The following MMGT1 variants were observed in gnomAD, a reference collection of about 807,000 sequenced individuals.
MMGT1 encodes ER membrane protein complex subunit 5.
A neutral mutation model predicts 11.7 loss-of-function variants in MMGT1; 2 were observed. That is an observed-to-expected ratio of 0.17 (90% CI 0.07 to 0.54). The LOEUF (loss-of-function observed/expected upper bound fraction) is 0.54. Among genes scored for constraint, MMGT1 ranks in the 20% least tolerant of loss-of-function variants. The pLI, the probability that MMGT1 is intolerant of heterozygous loss-of-function variation, is 0.94. For synonymous variants in MMGT1, 49 were observed against 44.4 expected (o/e 1.10, Z -0.41); for missense variants, 74 against 109.0 (o/e 0.68, Z 1.43).
intron 2 of MMGT1, among the ~76,000 whole-genome samples, chrX:135,970,228 G>A (rs987926667): frequency 3.6e-5 from 4 of 110,050 alleles, no homozygotes; most frequent in Non-Finnish European, 7.6e-5. Context: ...TTAGCTGGGC[G>A]TGGTGGTGGG....
intron 2 of MMGT1, among the ~76,000 whole-genome samples, chrX:135,970,737 G>C (rs1556612508): frequency 9.0e-6 from 1 of 111,672 alleles, no homozygotes; most frequent in South Asian, 3.7e-4. Context: ...GTGAAACCCT[G>C]TCTCTACTAA....
At chrX:135,967,540 T>C in intron 2 of MMGT1, 47 bp from the exon 3 acceptor site, 1 of 768,588 alleles carries the variant, frequency 1.3e-6, no homozygotes, top group Non-Finnish European at 1.9e-6. Flanking sequence ...AACATTATTA[T>C]AAATATTTAC....
At position 135,961,547 on chromosome X, in the gene MMGT1, C is replaced by G. The variant is rs2089155279; in HGVS notation, c.*3477G>C. Among the ~76,000 whole-genome samples the G allele has an allele frequency of 9.0e-6, 1 of 111,257 alleles. No homozygotes were observed. The highest frequency in any genetic ancestry group is 1.9e-5 in the Non-Finnish European group (1 of 53,012). On this transcript the variant is annotated 3_prime_UTR_variant, in exon 4 of 4. Coordinates refer to ENST00000305963, the MANE Select transcript of MMGT1 (RefSeq NM_173470.3). ...CATCATCTTTCTTGCCCCCACTCCCCTTTCTAAGAACACTTAATTAACAGG... is the reference window on the plus strand; with the variant it reads ...CATCATCTTTCTTGCCCCCACTCCCGTTTCTAAGAACACTTAATTAACAGG...
chrX:135,973,758 C>T lies in MMGT1; in HGVS notation c.-83G>A, dbSNP rs2089235813. ...CTTCCACCGGCGGGTGTCCGCGCGC[C>T]GCAGAAAGATGACGTCACTGAAGTC... On this transcript the variant is annotated 5_prime_UTR_variant, in exon 1 of 4. Transcript: ENST00000305963. 8.6e-7 allele frequency: 1 copy of T among 1,163,488 alleles called. No individual in the cohort carries two copies. Among genetic ancestry groups the T allele is most frequent in the African/African-American group, 1.8e-5 (1 of 55,137 alleles).
In MMGT1 at chrX:135,973,744, G is replaced by A. The variant is rs11537542; in HGVS notation, c.-69C>T. 6 of 1,166,478 alleles carry A rather than the reference G, an allele frequency of 5.1e-6. No homozygotes were observed. Among genetic ancestry groups the A allele is most frequent in the African/African-American group, 1.8e-5 (1 of 56,212 alleles). On this transcript the variant is annotated 5_prime_UTR_variant, in exon 1 of 4. Transcript: ENST00000305963. ...CGGAGCTGTTTCTTCTTCCACCGGC[G>A]GGTGTCCGCGCGCCGCAGAAAGATG...
chrX:135,967,724 T>A (rs1486894342), intron 2 of MMGT1, among the ~76,000 whole-genome samples: 1 of 111,672 alleles, frequency 9.0e-6, no homozygotes, highest in African/African-American at 3.3e-5. Flanking sequence ...AGTGTTCAAA[T>A]AAGCAAAATC....
intron 3 of MMGT1, among the ~76,000 whole-genome samples, chrX:135,965,458 G>A (rs2089180105): frequency 8.9e-6 from 1 of 111,783 alleles, no homozygotes; most frequent in Admixed American, 9.5e-5. Flanking sequence ...CTGGAGTGCA[G>A]TAGCACAATC....
rs1181484041 is a variant in MMGT1 at position 135,962,683 on chromosome X, C to T, written c.*2341G>A. On this transcript the variant is annotated 3_prime_UTR_variant, in exon 4 of 4. Transcript: ENST00000305963. ...CAAGCTGCTAGCAAAGATAGACACA[C>T]GTGAAAACCACTTTGTCAATTATTT... 2.7e-5 allele frequency: 3 copies of T among 112,074 alleles called. No homozygotes were observed. Among genetic ancestry groups the T allele is most frequent in the African/African-American group, 9.7e-5 (3 of 30,816 alleles). The allele number at this position is 112,074 out of a possible 1,213,427, so 9.2% of individuals were successfully genotyped here.
chrX:135,969,487 C>A (rs1170344173), intron 2 of MMGT1, among the ~76,000 whole-genome samples: 5 of 110,791 alleles, frequency 4.5e-5, no homozygotes, highest in African/African-American at 1.6e-4. Flanking sequence ...TTAAGGCGCC[C>A]ACCACCATGC....
In MMGT1 at chrX:135,961,476, G is replaced by A. The variant is rs1423407257; in HGVS notation, c.*3548C>T. On this transcript the variant is annotated 3_prime_UTR_variant, in exon 4 of 4. Coordinates refer to ENST00000305963, the MANE Select transcript of MMGT1 (RefSeq NM_173470.3). ...ATTAGGGTAGGAGGGAAGGGACCAA[G>A]TTTTTATACCTTTCTGTACCATCTG... is the stretch of plus-strand genomic sequence containing the variant. Among the ~76,000 whole-genome samples, 2 of 111,497 alleles carry A rather than the reference G, an allele frequency of 1.8e-5. No homozygotes were observed. The highest frequency in any genetic ancestry group is 2.8e-4 in the East Asian group (1 of 3,568).
At chrX:135,973,545 C>T (rs1264187855) in intron 1 of MMGT1, 52 bp downstream of exon 1, 2 of 1,043,860 alleles carry the variant, frequency 1.9e-6, no homozygotes, top group Non-Finnish European at 2.6e-6. Flanking sequence ...TGCGCCCACA[C>T]ACCGCCCCTA....
At position 135,967,505 on chromosome X, in the gene MMGT1, A is replaced by C; in HGVS notation, c.133-12T>G. On this transcript the variant is annotated splice_polypyrimidine_tract_variant and intron_variant, in intron 2 of 3. Transcript: ENST00000305963. ...GTCTGAAGAACTATCTGTGAGTATA[A>C]AGATTGATAATACTAAATAACACAA... is the stretch of plus-strand genomic sequence containing the variant. The C allele has an allele frequency of 2.1e-6, 2 of 933,310 alleles. No individual in the cohort carries two copies. The highest frequency in any genetic ancestry group is 2.8e-5 in the Admixed American group (1 of 35,237). 76.9% of individuals were successfully genotyped at this position (933,310 alleles called of 1,213,427 possible). A position where few individuals can be genotyped will look rare whatever the true frequency, so the allele number is the denominator to read the frequency against.
rs949319502 is a variant in MMGT1, at chrX:135,963,594, C to G, written c.*1430G>C. 12 of 112,229 alleles carry G rather than the reference C, an allele frequency of 1.1e-4. No individual in the cohort carries two copies. The highest frequency in any genetic ancestry group is 9.1e-3 in the Middle Eastern group (2 of 219). The allele number at this position is 112,229 out of a possible 1,213,427, so 9.2% of individuals were successfully genotyped here. Reference sequence around the variant, plus strand: ...GCTGGCGTAACAAACCAAAACTAAACAACAATAAAAACCCAATGAAAAATA... The same window carrying G: ...GCTGGCGTAACAAACCAAAACTAAAGAACAATAAAAACCCAATGAAAAATA... On this transcript the variant is annotated 3_prime_UTR_variant, in exon 4 of 4. Coordinates refer to ENST00000305963, the MANE Select transcript of MMGT1 (RefSeq NM_173470.3).
chrX:135,973,540 C>T lies in MMGT1; in HGVS notation c.79+57G>A, dbSNP rs2089232839. Reference sequence around the variant, plus strand: ...GTCCGATGGTCCCTTAGAAGTGCGCCCACACACCGCCCCTAGGGTTCCACA... The same window carrying T: ...GTCCGATGGTCCCTTAGAAGTGCGCTCACACACCGCCCCTAGGGTTCCACA... On this transcript the variant is annotated intron_variant, in intron 1 of 3. Coordinates refer to ENST00000305963, the MANE Select transcript of MMGT1 (RefSeq NM_173470.3). The T allele has an allele frequency of 3.0e-6, 3 of 1,004,463 alleles. No individual in the cohort carries two copies. In the Admixed American group the frequency reaches 8.2e-5, roughly 28 times the overall value. The allele number at this position is 1,004,463 out of a possible 1,213,427, so 82.8% of individuals were successfully genotyped here.
At chrX:135,967,640 T>C in intron 2 of MMGT1, 147 bp from the exon 3 acceptor site, 1 of 395,231 alleles carries the variant, frequency 2.5e-6, no homozygotes, top group Non-Finnish European at 4.4e-6. Flanking sequence ...ATGACTGGGA[T>C]TCAGACACAA....
At chrX:135,968,536 T>TGTGTGC (rs782136774) in intron 2 of MMGT1, among the ~76,000 whole-genome samples, 20 of 107,741 alleles carry the variant, frequency 1.9e-4, no homozygotes, top group Non-Finnish European at 3.1e-4. Context: ...TGTGTGTGTG[T>TGTGTGC]GTTTTCTTTT....
chrX:135,969,570 C>G (rs1441764829), intron 2 of MMGT1, among the ~76,000 whole-genome samples: 1 of 111,255 alleles, frequency 9.0e-6, no homozygotes, highest in Non-Finnish European at 1.9e-5. Context: ...GATCTCCTGA[C>G]CTCATGATCT....
intron 2 of MMGT1, 69 bp from the exon 3 acceptor site, chrX:135,967,562 T>C (rs946480947): frequency 3.3e-6 from 2 of 611,306 alleles, no homozygotes; most frequent in African/African-American, 4.6e-5. Flanking sequence ...ATTTTCTCTC[T>C]ACCTCTTCAT....
At position 135,973,601 on chromosome X, in the gene MMGT1, C is replaced by T; in HGVS notation, c.75G>A (p.Ala25=). Residue 25 remains alanine, a synonymous_variant, in exon 1 of 4, where the codon GCG becomes GCA. Coordinates refer to ENST00000305963, the MANE Select transcript of MMGT1 (RefSeq NM_173470.3). ...FALAHAAFSA[A]QHRSYMRLTE... ...CCCCGTGCCCCAGGCACTTACGCTG[C>T]GCAGCGGAAAAGGCGGCGTGGGCTA... 8.6e-7 allele frequency: 1 copy of T among 1,165,648 alleles called. No homozygotes were observed. Among genetic ancestry groups the T allele is most frequent in the Non-Finnish European group, 1.1e-6 (1 of 871,574 alleles).
Sources: gnomAD v4.1 joint callset for allele counts (sites outside exome capture counted in the v4.1 genomes callset) on GRCh38, gnomAD v4.1.1 for gene constraint, MANE v1.5 for transcripts, NCBI Gene and HGNC (gene_info 2026-07-23, HGNC 2026-07-21) for gene names.